SMAD2: variants seen among roughly 807,000 people sequenced by gnomAD.
SMAD2 encodes SMAD family member 2, also known as MAD homolog 2.
A neutral mutation model predicts 64.4 loss-of-function variants in SMAD2; 8 were observed. The observed-to-expected ratio is 0.12, with a 90% CI of 0.07 to 0.22. The LOEUF is 0.22. SMAD2 is among the 10% of genes least tolerant of loss of function. SMAD2 has a pLI of 1.00. For synonymous variants in SMAD2, 203 were observed against 195.8 expected, an observed-to-expected ratio of 1.04 and a Z score of -0.31; for missense variants, 289 against 561.2, an observed-to-expected ratio of 0.51 and a Z score of 4.90.
In SMAD2 at chr18:47,824,166, G is replaced by GA. The variant is rs1306664051; in HGVS notation, c.*17660dup. 1 of 152,170 alleles carries GA rather than the reference G, an allele frequency of 6.6e-6. No homozygotes were observed. The highest frequency in any genetic ancestry group is 1.5e-5 in the Non-Finnish European group (1 of 68,032). The allele number at this position is 152,170 out of a possible 1,614,324, so 9.4% of individuals were successfully genotyped here. Reference sequence around the variant, plus strand: ...AGATGATTCATCATAGATACTTTCGGAAAAACATCTTCATCAAGAGAGGGA... The same window carrying GA: ...AGATGATTCATCATAGATACTTTCGGAAAAAACATCTTCATCAAGAGAGGGA... On this transcript the variant is annotated 3_prime_UTR_variant, in exon 11 of 11. Coordinates refer to ENST00000262160, the MANE Select transcript of SMAD2 (RefSeq NM_005901.6).
At chr18:47,858,750 C>T (rs1310022398) in intron 6 of SMAD2, among the ~76,000 whole-genome samples, 1 of 151,746 alleles carries the variant, frequency 6.6e-6, no homozygotes, top group Non-Finnish European at 1.5e-5. Context: ...CACGAGAATG[C>T]CAACTGAGAA....
intron 1 of SMAD2, among the ~76,000 whole-genome samples, chr18:47,919,566 A>C (rs1025115433): frequency 2.6e-5 from 4 of 151,880 alleles, no homozygotes; most frequent in African/African-American, 9.7e-5. Context: ...GGCAATCCCT[A>C]ATATGCTAGT....
At chr18:47,867,675 AC>A (rs1486809933) in intron 5 of SMAD2, among the ~76,000 whole-genome samples, 1 of 151,288 alleles carries the variant, frequency 6.6e-6, no homozygotes, top group Non-Finnish European at 1.5e-5. Flanking sequence ...AAAAAAAGAA[AC>A]CATAAAAAAC....
chr18:47,862,497 C>G (rs1357278297), intron 6 of SMAD2, among the ~76,000 whole-genome samples: 1 of 152,224 alleles, frequency 6.6e-6, no homozygotes, highest in Non-Finnish European at 1.5e-5. Flanking sequence ...CAGGTGCTAA[C>G]TCCAGTTACC....
At chr18:47,858,022 A>C (rs979637777) in intron 6 of SMAD2, among the ~76,000 whole-genome samples, 1 of 152,218 alleles carries the variant, frequency 6.6e-6, no homozygotes, top group Non-Finnish European at 1.5e-5. Flanking sequence ...GGAAAGGATC[A>C]GCTCCTCAAC....
intron 8 of SMAD2, among the ~76,000 whole-genome samples, chr18:47,846,286 T>C (rs1914481707): frequency 6.6e-6 from 1 of 152,124 alleles, no homozygotes; most frequent in South Asian, 2.1e-4. Flanking sequence ...TAAGCATGAT[T>C]AGGTGAGAAA....
At chr18:47,847,770 T>G (rs1423679469) in intron 8 of SMAD2, among the ~76,000 whole-genome samples, 1 of 148,700 alleles carries the variant, frequency 6.7e-6, no homozygotes, top group Non-Finnish European at 1.5e-5. Flanking sequence ...AGAATTGGAG[T>G]CTCATTATCA....
intron 2 of SMAD2, among the ~76,000 whole-genome samples, chr18:47,883,583 T>C (rs375899140): frequency 2.0e-5 from 3 of 152,248 alleles, no homozygotes; most frequent in Non-Finnish European, 4.4e-5. Flanking sequence ...AATTGTGGAT[T>C]TGTGATTCTG....
chr18:47,927,370 AG>A (rs1272753204), intron 1 of SMAD2, among the ~76,000 whole-genome samples: 2 of 152,188 alleles, frequency 1.3e-5, no homozygotes, highest in Admixed American at 1.3e-4. Flanking sequence ...ACAGGAAGCA[AG>A]GCAAGCTCAC....
At chr18:47,884,516 C>T (rs2032781879) in intron 2 of SMAD2, among the ~76,000 whole-genome samples, 1 of 152,040 alleles carries the variant, frequency 6.6e-6, no homozygotes, top group Non-Finnish European at 1.5e-5. Context: ...AAAGCTAAAA[C>T]AATAAAACTG....
In SMAD2 at chr18:47,836,321, A is replaced by C; in HGVS notation, c.*5506T>G. On this transcript the variant is annotated 3_prime_UTR_variant, in exon 11 of 11. Transcript: ENST00000262160. Reference sequence around the variant, plus strand: ...TTAACCCTAAGTTAGTACATCCCAGAATCTGCTGGATGTATAATAATTTAG... The same window carrying C: ...TTAACCCTAAGTTAGTACATCCCAGCATCTGCTGGATGTATAATAATTTAG... 1 of 223,630 alleles carries C rather than the reference A, an allele frequency of 4.5e-6. No homozygotes were observed. The highest frequency in any genetic ancestry group is 8.9e-6 in the Non-Finnish European group (1 of 111,990). The allele number at this position is 223,630 out of a possible 1,614,324, so 13.9% of individuals were successfully genotyped here.
intron 1 of SMAD2, among the ~76,000 whole-genome samples, chr18:47,920,917 G>T (rs568485167): frequency 6.6e-6 from 1 of 152,174 alleles, no homozygotes; most frequent in African/African-American, 2.4e-5. Context: ...AACTTTGAGG[G>T]GCCGTGGCAG....
rs529855499 is a variant in SMAD2 at position 47,901,879 on chromosome 18, T to G, written c.-53-5070A>C. Among the ~76,000 whole-genome samples, 54 of 152,292 alleles carry G rather than the reference T, an allele frequency of 3.5e-4. No individual in the cohort carries two copies. In the East Asian group the frequency reaches 4.1e-3, roughly 11 times the overall value. On this transcript the variant is annotated intron_variant, in intron 1 of 10. Transcript: ENST00000262160. ...TCTCTAGCCTAAGCAGCTTCAGAAT[T>G]TGGCAAATGTCTACGGGGGAAGAAA...
chr18:47,821,569 A>G lies in SMAD2; in HGVS notation c.*20258T>C, dbSNP rs1912577853. ...ACATTCCTCTATAAGGCGTACACTCATAACCTTGGAAATACTCTTCCTGTG... is the reference window on the plus strand; with the variant it reads ...ACATTCCTCTATAAGGCGTACACTCGTAACCTTGGAAATACTCTTCCTGTG... On this transcript the variant is annotated 3_prime_UTR_variant, in exon 11 of 11. Coordinates refer to ENST00000262160, the MANE Select transcript of SMAD2 (RefSeq NM_005901.6). 6.6e-6 allele frequency: 1 copy of G among 152,228 alleles called. No homozygotes were observed. The highest frequency in any genetic ancestry group is 1.5e-5 in the Non-Finnish European group (1 of 68,036). The allele number at this position is 152,228 out of a possible 1,614,324, so 9.4% of individuals were successfully genotyped here.
intron 1 of SMAD2, among the ~76,000 whole-genome samples, chr18:47,924,523 G>A (rs546397586): frequency 7.3e-5 from 11 of 151,090 alleles, no homozygotes; most frequent in South Asian, 4.2e-4. Flanking sequence ...GAGCAGTCGC[G>A]GGATCTCGGC....
intron 2 of SMAD2, among the ~76,000 whole-genome samples, chr18:47,884,430 C>G (rs899030453): frequency 6.6e-5 from 10 of 152,116 alleles, no homozygotes; most frequent in African/African-American, 2.4e-4. Context: ...ACAGAGGCCA[C>G]ATTTTTAATT....
At position 47,837,575 on chromosome 18, in the gene SMAD2, A is replaced by AC. The variant is rs1282260321; in HGVS notation, c.*4251_*4252insG. ...AGACTCCCTCTCAAAAAAAAAAAAA[A>AC]AAAACAAAAAACAAGGCTAACAAGA... On this transcript the variant is annotated 3_prime_UTR_variant, in exon 11 of 11. Coordinates refer to ENST00000262160, the MANE Select transcript of SMAD2 (RefSeq NM_005901.6). The AC allele has an allele frequency of 2.0e-4, 46 of 228,058 alleles. No homozygotes were observed. Among genetic ancestry groups the AC allele is most frequent in the South Asian group, 7.4e-4 (4 of 5,438 alleles). The allele number at this position is 228,058 out of a possible 1,614,324, so 14.1% of individuals were successfully genotyped here. A position where few individuals can be genotyped will look rare whatever the true frequency, so the allele number is the denominator to read the frequency against.
chr18:47,895,916 T>A (rs1003617381), intron 2 of SMAD2, among the ~76,000 whole-genome samples: 1 of 152,214 alleles, frequency 6.6e-6, no homozygotes, highest in African/African-American at 2.4e-5. Flanking sequence ...CACCTGTCAC[T>A]TAATTAAAAA....
At chr18:47,911,749 C>A (rs1022130683) in intron 1 of SMAD2, among the ~76,000 whole-genome samples, 12 of 152,134 alleles carry the variant, frequency 7.9e-5, no homozygotes, top group African/African-American at 2.9e-4. Context: ...CTTAACAGCC[C>A]GGTTAAACTG....
Sources: gnomAD v4.1 joint callset for allele counts (sites outside exome capture counted in the v4.1 genomes callset) on GRCh38, gnomAD v4.1.1 for gene constraint, MANE v1.5 for transcripts, NCBI Gene and HGNC (gene_info 2026-07-23, HGNC 2026-07-21) for gene names.